NCALD: variants seen among roughly 807,000 people sequenced by gnomAD.
NCALD encodes the protein neurocalcin-delta.
In NCALD, 10 loss-of-function variants were observed where a neutral mutation model predicts 18.6. The observed-to-expected ratio is 0.54, with a 90% CI of 0.33 to 0.91. NCALD has a LOEUF of 0.91. Among genes scored for constraint, NCALD ranks in the 40% least tolerant of loss-of-function variants. NCALD has a pLI of 0.03. For synonymous variants in NCALD, 88 were observed against 87.4 expected (o/e 1.01, Z -0.04); for missense variants, 184 against 247.6 (o/e 0.74, Z 1.72).
intron 1 of NCALD, among the ~76,000 whole-genome samples, chr8:102,037,494 G>T (rs1449056550): frequency 6.6e-6 from 1 of 152,180 alleles, no homozygotes; most frequent in Non-Finnish European, 1.5e-5. Flanking sequence ...CATTTAGTGT[G>T]TGTGTAGATA....
rs1814637443 is a variant in NCALD at position 101,689,827 on chromosome 8, G to T, written c.485-421C>A. On this transcript the variant is annotated intron_variant, in intron 3 of 3. Coordinates refer to ENST00000220931, the MANE Select transcript of NCALD (RefSeq NM_032041.3). This position sits in a 1 kb window ranked among gnomAD's most constrained non-coding sequence, Gnocchi z 4.4. ...GCTGGGCCCTGGCAGCACCCGGTTGGTTCCCATAATGTTCCCTGGAGCCTT... is the reference window on the plus strand; with the variant it reads ...GCTGGGCCCTGGCAGCACCCGGTTGTTTCCCATAATGTTCCCTGGAGCCTT... 6.6e-6 allele frequency among the ~76,000 whole-genome samples: 1 copy of T among 152,198 alleles called. No homozygotes were observed. Among genetic ancestry groups the T allele is most frequent in the Middle Eastern group, 3.2e-3 (1 of 316 alleles).
chr8:101,878,746 CTGTTA>C (rs1378225869), intron 4 of NCALD, among the ~76,000 whole-genome samples: 5 of 152,114 alleles, frequency 3.3e-5, no homozygotes, highest in Admixed American at 1.3e-4. Flanking sequence ...TTCTTATTTT[CTGTTA>C]TAAGTAAAGT....
chr8:101,908,048 T>A (rs749392890), intron 3 of NCALD, among the ~76,000 whole-genome samples: 1 of 152,098 alleles, frequency 6.6e-6, no homozygotes, highest in Non-Finnish European at 1.5e-5. Flanking sequence ...AGGCAGAGTG[T>A]GAGAGATCAA....
At chr8:101,981,465 C>A (rs1250741967) in intron 2 of NCALD, among the ~76,000 whole-genome samples, 2 of 152,162 alleles carry the variant, frequency 1.3e-5, no homozygotes, top group South Asian at 2.1e-4. Context: ...TTCTTTCCAT[C>A]ACAAAATAAA....
chr8:101,732,439 AT>A (rs1816876121), intron 1 of NCALD, among the ~76,000 whole-genome samples: 1 of 152,016 alleles, frequency 6.6e-6, no homozygotes, highest in African/African-American at 2.4e-5. Context: ...ATAGTTCATA[AT>A]TTTTTTATTT....
At chr8:101,859,487 C>T (rs1477852591) in intron 4 of NCALD, among the ~76,000 whole-genome samples, 1 of 152,090 alleles carries the variant, frequency 6.6e-6, no homozygotes, top group Non-Finnish European at 1.5e-5. Context: ...AGAACCCTGA[C>T]TAATACAATG....
intron 3 of NCALD, among the ~76,000 whole-genome samples, chr8:101,912,143 T>C (rs1490409265): frequency 6.6e-6 from 1 of 151,958 alleles, no homozygotes; most frequent in Non-Finnish European, 1.5e-5. Context: ...AAAATAAATA[T>C]TGAATACATT....
chr8:101,754,676 C>T (rs1167151940), intron 1 of NCALD, among the ~76,000 whole-genome samples: 1 of 152,060 alleles, frequency 6.6e-6, no homozygotes, highest in East Asian at 1.9e-4. Context: ...AACATTCAGA[C>T]CATAGCAGGT....
chr8:101,892,769 G>C (rs1816962853), intron 3 of NCALD, among the ~76,000 whole-genome samples: 1 of 150,296 alleles, frequency 6.7e-6, no homozygotes, highest in African/African-American at 2.5e-5. Context: ...ATCAGCAATG[G>C]AAGATGAAAT....
chr8:101,763,968 A>C lies in NCALD; in HGVS notation c.-20+26894T>G, dbSNP rs7462470. 0.026 allele frequency among the ~76,000 whole-genome samples: 446 copies of C among 17,064 alleles called. 11 individuals carry two copies. The South Asian group carries it at 0.31, about 12-fold the overall frequency. The allele number at this position is 17,064 out of a possible 152,430, so 11.2% of individuals were successfully genotyped here. On this transcript the variant is annotated intron_variant, in intron 1 of 3. Transcript: ENST00000220931. Reference sequence around the variant, plus strand: ...ATGACAAATTTCTCTCTCTCTCTCCACACACACACACACACACACACACAC... The same window carrying C: ...ATGACAAATTTCTCTCTCTCTCTCCCCACACACACACACACACACACACAC...
At chr8:101,759,752 T>G (rs752559912) in intron 1 of NCALD, among the ~76,000 whole-genome samples, 5 of 152,172 alleles carry the variant, frequency 3.3e-5, no homozygotes, top group Non-Finnish European at 7.3e-5. Context: ...AGTCACTTCC[T>G]TTGTGCAAAA....
At chr8:102,005,577 C>T (rs138127011) in intron 2 of NCALD, among the ~76,000 whole-genome samples, 1,885 of 152,184 alleles carry the variant, frequency 0.012, 41 homozygotes, top group African/African-American at 0.039. Context: ...CATATGCACA[C>T]GTATGTTTAT....
chr8:101,845,001 T>C (rs891142370), intron 4 of NCALD, among the ~76,000 whole-genome samples: 4 of 152,178 alleles, frequency 2.6e-5, no homozygotes, highest in Admixed American at 6.5e-5. Flanking sequence ...TAGTATACCA[T>C]AGACCTCAAT....
At chr8:102,000,654 G>A (rs572351494) in intron 2 of NCALD, among the ~76,000 whole-genome samples, 3 of 152,322 alleles carry the variant, frequency 2.0e-5, no homozygotes, top group South Asian at 4.1e-4. Context: ...ACCTCACACA[G>A]CTGGGTAGTC....
intron 1 of NCALD, among the ~76,000 whole-genome samples, chr8:102,059,859 G>T (rs1200044373): frequency 6.6e-6 from 1 of 152,170 alleles, no homozygotes; most frequent in African/African-American, 2.4e-5. Context: ...AACTTTGCAG[G>T]CATCAGGATC....
intron 4 of NCALD, among the ~76,000 whole-genome samples, chr8:101,873,594 AAAT>A (rs1426472927): frequency 3.5e-4 from 53 of 152,382 alleles, no homozygotes; most frequent in African/African-American, 1.2e-3. Context: ...ATTAAGTAAA[AAAT>A]AATATAGATA....
chr8:102,067,384 T>G (rs1824043330), intron 1 of NCALD, among the ~76,000 whole-genome samples: 1 of 152,218 alleles, frequency 6.6e-6, no homozygotes, highest in Admixed American at 6.5e-5. Context: ...TTAACCTTGC[T>G]GTTGTTGTTT....
chr8:102,096,050 T>C (rs1273341991), intron 1 of NCALD, among the ~76,000 whole-genome samples: 1 of 152,104 alleles, frequency 6.6e-6, no homozygotes, highest in Non-Finnish European at 1.5e-5. Context: ...CCTCTAATAA[T>C]GAAGAGCATG....
intron 4 of NCALD, among the ~76,000 whole-genome samples, chr8:101,804,091 A>T (rs1211977181): frequency 6.6e-6 from 1 of 152,014 alleles, no homozygotes; most frequent in Non-Finnish European, 1.5e-5. Flanking sequence ...CACCAGCAAA[A>T]AGATTAGAAC....
Sources: gnomAD v4.1 joint callset for allele counts (sites outside exome capture counted in the v4.1 genomes callset) on GRCh38, gnomAD v4.1.1 for gene constraint, Gnocchi (gnomAD v3.1) non-coding constraint, MANE v1.5 for transcripts, NCBI Gene and HGNC (gene_info 2026-07-23, HGNC 2026-07-21) for gene names.